CHAF1A: variants seen among roughly 807,000 people sequenced by gnomAD.
CHAF1A encodes the protein chromatin assembly factor 1 subunit A, also known as CAF-1 subunit A.
Under a neutral mutation model 93.2 loss-of-function variants are expected in CHAF1A, and 5 were observed. The ratio of observed to expected loss-of-function variants is 0.05; its 90% CI spans 0.03 to 0.11. The LOEUF (loss-of-function observed/expected upper bound fraction) is 0.11, where lower values mean the gene tolerates loss of function less well. Ranked by LOEUF, CHAF1A falls within the 10% of genes least tolerant of loss-of-function variation. CHAF1A has a pLI of 1.00. For missense variants in CHAF1A, 1,102 were observed against 1,259.9 expected (o/e 0.87, Z 1.90); for synonymous variants, 504 against 510.3 (o/e 0.99, Z 0.17).
At chr19:4,430,687 T>G (rs1974166185) in intron 11 of CHAF1A, 46 bp downstream of exon 11, 2 of 1,606,558 alleles carry the variant, frequency 1.2e-6, no homozygotes, top group Middle Eastern at 3.5e-4. Context: ...AAAGTTCATT[T>G]CTGGACTGGT....
intron 1 of CHAF1A, among the ~76,000 whole-genome samples, chr19:4,404,486 C>A (rs1445206290): frequency 6.6e-6 from 1 of 152,132 alleles, no homozygotes; most frequent in Non-Finnish European, 1.5e-5. Context: ...AAATCCATGG[C>A]TTTTGGTAAG....
chr19:4,410,372 A>G (rs1244555629), intron 3 of CHAF1A, among the ~76,000 whole-genome samples: 5 of 146,486 alleles, frequency 3.4e-5, no homozygotes, highest in African/African-American at 5.0e-5. Flanking sequence ...CACCATCTCT[A>G]TGAAAAAAAA....
At chr19:4,432,758 TAA>T (rs5826849) in intron 12 of CHAF1A, among the ~76,000 whole-genome samples, 1 of 135,934 alleles carries the variant, frequency 7.4e-6, no homozygotes. Context: ...AGACCCTGTC[TAA>T]AAAAAAAAAA....
At chr19:4,432,649 A>G (rs1974207011) in intron 12 of CHAF1A, among the ~76,000 whole-genome samples, 1 of 151,686 alleles carries the variant, frequency 6.6e-6, no homozygotes, top group Non-Finnish European at 1.5e-5. Context: ...GATCCCAGCT[A>G]CTCAAGAGGC....
chr19:4,422,164 G>T lies in CHAF1A; in HGVS notation c.1018-402G>T, dbSNP rs1037391169. On this transcript the variant is annotated intron_variant, in intron 4 of 14. Coordinates refer to ENST00000301280, the MANE Select transcript of CHAF1A (RefSeq NM_005483.3). The surrounding 1 kb of genome is among the most constrained non-coding windows in gnomAD (Gnocchi z 4.6). ...AGCTGGGATTACAGGCGCCCACCAT[G>T]CCTGGCTAGTTTTTTTTAAAAATAT... Among the ~76,000 whole-genome samples the T allele has an allele frequency of 5.3e-5, 8 of 151,998 alleles. No individual in the cohort carries two copies. Among genetic ancestry groups the T allele is most frequent in the Non-Finnish European group, 7.4e-5 (5 of 68,000 alleles).
chr19:4,416,152 C>T (rs1223399930), intron 3 of CHAF1A, among the ~76,000 whole-genome samples: 1 of 151,804 alleles, frequency 6.6e-6, no homozygotes, highest in Non-Finnish European at 1.5e-5. Flanking sequence ...CCAGCCTGGG[C>T]GACAGAGCGA....
At chr19:4,403,807 G>A (rs888171058) in intron 1 of CHAF1A, among the ~76,000 whole-genome samples, 1 of 152,226 alleles carries the variant, frequency 6.6e-6, no homozygotes, top group African/African-American at 2.4e-5. Flanking sequence ...TTAATATAAA[G>A]TTGGTACTGT....
chr19:4,409,349 G>C lies in CHAF1A; in HGVS notation c.550G>C (p.Glu184Gln). ...CCTTTCAGACATTCCTTGCAAAACA[G>C]AGGAGGAGGGTGTTGGCTGTGGAGG... ...ETLSDIPCKT[E>Q]EEGVGCGGAG... is the part of the protein sequence containing the mutation. The change falls in exon 3 of 15, where the codon GAG becomes CAG. Residue 184 changes from glutamate (E) to glutamine (Q), a missense_variant. Transcript: ENST00000301280. 6.2e-7 allele frequency: 1 copy of C among 1,614,122 alleles called. No homozygotes were observed. Among genetic ancestry groups the C allele is most frequent in the Non-Finnish European group, 8.5e-7 (1 of 1,180,018 alleles).
At chr19:4,413,892 T>TA (rs1377184164) in intron 3 of CHAF1A, among the ~76,000 whole-genome samples, 5 of 152,178 alleles carry the variant, frequency 3.3e-5, no homozygotes, top group Non-Finnish European at 7.3e-5. Flanking sequence ...TTTTTAGTAT[T>TA]AGAGTTTTCT....
chr19:4,449,806 A>AG (rs1348811784), downstream of CHAF1A: 2 of 152,190 alleles, frequency 1.3e-5, no homozygotes, highest in African/African-American at 4.8e-5. Flanking sequence ...GGGGCTGAGA[A>AG]GAAAGCTGAG....
At chr19:4,407,861 T>C (rs1452438151) in intron 2 of CHAF1A, among the ~76,000 whole-genome samples, 1 of 151,826 alleles carries the variant, frequency 6.6e-6, no homozygotes, top group Non-Finnish European at 1.5e-5. Flanking sequence ...GGCAGGAGAA[T>C]AGCTTGAACC....
downstream of CHAF1A, chr19:4,448,281 G>GGAGGGGCCAGGCAGGGCA: frequency 6.5e-7 from 1 of 1,548,838 alleles, no homozygotes; most frequent in Non-Finnish European, 8.8e-7. Flanking sequence ...GGGATGAGCT[G>GGAGGGGCCAGGCAGGGCA]GAGGGGCCAG....
rs754628804 is a variant in CHAF1A at position 4,430,621 on chromosome 19, G to C, written c.1927G>C (p.Glu643Gln). The change falls in exon 11 of 15, where the codon GAG becomes CAG. Residue 643 changes from glutamate to glutamine, a missense_variant. This residue lies in a region of CHAF1A where 335 missense variants were observed against 361.9 expected (regional missense o/e 0.93). Transcript: ENST00000301280. ...CTTTGTGCCCCATGGGTACCTGTCT[G>C]AGGACGAAGGTGTGACAGAGGTGAG... ...GFFVPHGYLS[E>Q]DEGVTEECAD... The C allele has an allele frequency of 3.7e-6, 6 of 1,613,866 alleles. No individual in the cohort carries two copies. In the South Asian group the frequency reaches 4.4e-5, roughly 12 times the overall value.
chr19:4,410,405 CAG>C (rs886821249), intron 3 of CHAF1A, among the ~76,000 whole-genome samples: 4 of 108,576 alleles, frequency 3.7e-5, no homozygotes, highest in African/African-American at 1.3e-4. Context: ...TTTTTTTTGA[CAG>C]AGTCACTCTA....
chr19:4,427,538 G>A (rs866011421), intron 7 of CHAF1A, among the ~76,000 whole-genome samples: 15 of 148,934 alleles, frequency 1.0e-4, no homozygotes, highest in Admixed American at 8.8e-4. Flanking sequence ...TCAGCCTCCT[G>A]AGTAGCTGGG....
intron 4 of CHAF1A, among the ~76,000 whole-genome samples, chr19:4,420,171 G>A (rs1322884115): frequency 1.3e-5 from 2 of 152,134 alleles, no homozygotes. Flanking sequence ...AGACGTGTGG[G>A]AAGCCCATAT....
intron 7 of CHAF1A, among the ~76,000 whole-genome samples, chr19:4,427,317 TTTTTGTTTTG>T (rs571625536): frequency 1.8e-3 from 248 of 136,198 alleles, no homozygotes; most frequent in African/African-American, 6.2e-3. Flanking sequence ...GCCAAGCTAA[TTTTTGTTTTG>T]TTTTGTTTTG....
At chr19:4,446,338 G>T (rs1342592150), downstream of CHAF1A, 2 of 1,571,338 alleles carry the variant, frequency 1.3e-6, no homozygotes, top group African/African-American at 2.7e-5. Context: ...AGTTGTACTT[G>T]CGCAGCCCCC....
chr19:4,450,193 C>T, the CHAF1A span: 2 of 148,660 alleles, frequency 1.3e-5, no homozygotes, highest in African/African-American at 5.0e-5. Context: ...CCACTGCACT[C>T]CAGCCTGGTG....
Sources: gnomAD v4.1 joint callset for allele counts (sites outside exome capture counted in the v4.1 genomes callset) on GRCh38, gnomAD v4.1.1 for gene constraint, gnomAD v4.1.1 regional missense constraint, Gnocchi (gnomAD v3.1) non-coding constraint, MANE v1.5 for transcripts, NCBI Gene and HGNC (gene_info 2026-07-23, HGNC 2026-07-21) for gene names.